AFAP1: variants seen among roughly 807,000 people sequenced by gnomAD.
The protein encoded by AFAP1 is actin filament-associated protein 1.
A neutral mutation model predicts 93.9 loss-of-function variants in AFAP1; 75 were observed. That is an observed-to-expected ratio of 0.80 (90% confidence interval 0.66 to 0.97). The LOEUF is 0.97. Among genes scored for constraint, AFAP1 ranks in the 50% least tolerant of loss-of-function variants. The pLI is 0.00. For missense variants in AFAP1, 1,201 were observed against 1,050.8 expected, an observed-to-expected ratio of 1.14 and a Z score of -1.98; for synonymous variants, 517 against 430.7, an observed-to-expected ratio of 1.20 and a Z score of -2.48.
At chr4:7,779,140 T>C (rs1716479553) in intron 13 of AFAP1, 2 of 414,190 alleles carry the variant, frequency 4.8e-6, no homozygotes, top group Non-Finnish European at 8.7e-6. Flanking sequence ...CCCTTTCTAC[T>C]GGCAGACCAC....
intron 6 of AFAP1, among the ~76,000 whole-genome samples, chr4:7,833,744 A>G (rs1711914718): frequency 6.6e-6 from 1 of 151,866 alleles, no homozygotes; most frequent in South Asian, 2.1e-4. Context: ...ACGTGCCACC[A>G]TGCCTGGCTA....
chr4:7,909,036 AC>A (rs1256084413), intron 1 of AFAP1, among the ~76,000 whole-genome samples: 1 of 152,204 alleles, frequency 6.6e-6, no homozygotes, highest in African/African-American at 2.4e-5. Flanking sequence ...TGATAAATTA[AC>A]CCAATCACTT....
intron 4 of AFAP1, among the ~76,000 whole-genome samples, chr4:7,849,551 A>G (rs891217240): frequency 3.9e-5 from 6 of 152,058 alleles, no homozygotes; most frequent in Non-Finnish European, 8.8e-5. Context: ...CCTATTGGAG[A>G]GTAGGGATGT....
At chr4:7,932,212 G>A (rs56069442) in intron 1 of AFAP1, among the ~76,000 whole-genome samples, 39,533 of 148,390 alleles carry the variant, frequency 0.27, 6,298 homozygotes, top group Non-Finnish European at 0.37. Flanking sequence ...GTCATTTATT[G>A]CACAGGAAAA....
chr4:7,786,085 TA>T, intron 12 of AFAP1, 108 bp downstream of exon 12: 2 of 990,974 alleles, frequency 2.0e-6, no homozygotes, highest in African/African-American at 1.6e-5. Flanking sequence ...CTCAGAGCAT[TA>T]AAAAGCTGAC....
intron 1 of AFAP1, among the ~76,000 whole-genome samples, chr4:7,880,441 G>A (rs929766615): frequency 2.6e-5 from 4 of 151,950 alleles, no homozygotes; most frequent in East Asian, 1.9e-4. Context: ...CACCACACCC[G>A]GCTAATTTTT....
At position 7,843,194 on chromosome 4, in the gene AFAP1, T is replaced by C; in HGVS notation, c.491A>G (p.Lys164Arg). 2.5e-6 allele frequency: 4 copies of C among 1,614,220 alleles called. No homozygotes were observed. The highest frequency in any genetic ancestry group is 3.4e-6 in the Non-Finnish European group (4 of 1,180,042). The stretch of plus-strand genomic sequence containing the variant: ...CAACTTGGTCCACTGGCCGAACCGC[T>C]TCTTCCGCAGCAGGAAGGCGCAGAT... ...AKICAFLLRK[K>R]RFGQWTKLLC... Residue 164 changes from lysine (K) to arginine (R), a missense_variant, in exon 5 of 18, where the codon AAG (lysine) becomes AGG (arginine). Transcript: ENST00000420658.
intron 9 of AFAP1, among the ~76,000 whole-genome samples, chr4:7,805,165 C>T (rs930008665): frequency 6.6e-6 from 1 of 152,148 alleles, no homozygotes; most frequent in Non-Finnish European, 1.5e-5. Context: ...CCTCCCGAGT[C>T]GTGGGGATTC....
intron 4 of AFAP1, among the ~76,000 whole-genome samples, chr4:7,854,986 G>C (rs1025552558): frequency 1.6e-4 from 24 of 152,118 alleles, no homozygotes; most frequent in African/African-American, 5.8e-4. Flanking sequence ...TCATCTAATA[G>C]AACCTGTACC....
At chr4:7,869,760 G>A (rs772312981) in intron 2 of AFAP1, among the ~76,000 whole-genome samples, 1 of 152,172 alleles carries the variant, frequency 6.6e-6, no homozygotes, top group Non-Finnish European at 1.5e-5. Context: ...AAAAGCCCCA[G>A]TGCCTGACCT....
intron 1 of AFAP1, among the ~76,000 whole-genome samples, chr4:7,900,450 A>C (rs1403956689): frequency 6.8e-6 from 1 of 146,404 alleles, no homozygotes; most frequent in Non-Finnish European, 1.5e-5. Flanking sequence ...ATGAAGCCAG[A>C]AACGTGCAGA....
intron 6 of AFAP1, among the ~76,000 whole-genome samples, chr4:7,823,985 T>G (rs556879439): frequency 4.5e-4 from 69 of 152,374 alleles, no homozygotes; most frequent in African/African-American, 1.6e-3. Context: ...CCAGTCTTTA[T>G]TCCCACAAAG....
chr4:7,810,392 G>T (rs951797021), intron 8 of AFAP1, among the ~76,000 whole-genome samples: 15 of 152,212 alleles, frequency 9.9e-5, no homozygotes, highest in Admixed American at 2.6e-4. Context: ...AACCGTCCAG[G>T]TAAGAAAAAC....
At chr4:7,860,919 C>T (rs1360261788) in intron 3 of AFAP1, among the ~76,000 whole-genome samples, 3 of 152,090 alleles carry the variant, frequency 2.0e-5, no homozygotes, top group Non-Finnish European at 2.9e-5. Context: ...CCGCTTGCCT[C>T]GCCTGCCTCG....
At chr4:7,884,708 G>A (rs1258248839) in intron 1 of AFAP1, among the ~76,000 whole-genome samples, 1 of 151,996 alleles carries the variant, frequency 6.6e-6, no homozygotes, top group East Asian at 1.9e-4. Context: ...AACCCAAACA[G>A]AAAAAAATGA....
intron 12 of AFAP1, among the ~76,000 whole-genome samples, chr4:7,783,865 G>C (rs1717014800): frequency 6.6e-6 from 1 of 152,238 alleles, no homozygotes; most frequent in African/African-American, 2.4e-5. Flanking sequence ...GTGTGAAAGG[G>C]TCTTTGGGGG....
chr4:7,864,811 G>T (rs1037169302), intron 3 of AFAP1, among the ~76,000 whole-genome samples: 8 of 152,164 alleles, frequency 5.3e-5, no homozygotes, highest in Non-Finnish European at 1.2e-4. Context: ...GCTTTAGAAA[G>T]GTTCAGTCAA....
Position 7,909,331 on chromosome 4 carries a change from T to C in AFAP1, c.-3+30325A>G, listed in dbSNP as rs557867889. Among the ~76,000 whole-genome samples, 6 of 152,362 alleles carry C rather than the reference T, an allele frequency of 3.9e-5. No homozygotes were observed. The East Asian group carries it at 1.2e-3, about 29-fold the overall frequency. On this transcript the variant is annotated intron_variant, in intron 1 of 17. Transcript: ENST00000420658. The stretch of plus-strand genomic sequence containing the variant: ...GCTAGTTAGCAAAACCCAGGCAGCC[T>C]GACTCCATAGCCCTTGCTTAAAGAA...
intron 1 of AFAP1, among the ~76,000 whole-genome samples, chr4:7,930,867 C>T (rs1274006146): frequency 6.6e-6 from 1 of 152,154 alleles, no homozygotes; most frequent in East Asian, 1.9e-4. Flanking sequence ...TCTTGTGCCT[C>T]ACCCTCCTGA....
Sources: allele counts gnomAD v4.1 joint callset (sites outside exome capture counted in the v4.1 genomes callset), GRCh38; gene constraint gnomAD v4.1.1; transcripts MANE v1.5; gene names NCBI Gene and HGNC (gene_info 2026-07-23, HGNC 2026-07-21).